ADARB1: variants seen among roughly 807,000 people sequenced by gnomAD.
The protein encoded by ADARB1 is adenosine deaminase RNA specific B1, also known as double-stranded RNA-specific editase 1.
A neutral mutation model predicts 52.4 loss-of-function variants in ADARB1; 10 were observed. That is an observed-to-expected ratio of 0.19 (90% CI 0.12 to 0.32). The LOEUF (loss-of-function observed/expected upper bound fraction) is 0.32, where lower values mean the gene tolerates loss of function less well. ADARB1 is among the 10% of genes least tolerant of loss of function. The pLI, the probability that ADARB1 is intolerant of heterozygous loss-of-function variation, is 1.00. For synonymous variants in ADARB1, 349 were observed against 371.1 expected (o/e 0.94, Z 0.68); for missense variants, 643 against 922.3 (o/e 0.70, Z 3.92).
chr21:45,210,719 A>G (rs1300089187), intron 9 of ADARB1, among the ~76,000 whole-genome samples: 4 of 152,232 alleles, frequency 2.6e-5, no homozygotes, highest in Admixed American at 1.3e-4. Context: ...GGACAAGTAC[A>G]GCTTGAACCC....
chr21:45,091,090 C>T (rs1287731391), intron 1 of ADARB1, among the ~76,000 whole-genome samples: 2 of 152,228 alleles, frequency 1.3e-5, no homozygotes, highest in African/African-American at 4.8e-5. Context: ...TTTTTGAGCA[C>T]TTTGGATACC....
At position 45,172,097 on chromosome 21, in the gene ADARB1, G is replaced by T. The variant is rs758755755; in HGVS notation, c.28+413G>T. Reference sequence around the variant, plus strand: ...GGACAGAAATATTTCCCTTCAAAATGCAGGTTCTCGCTGCATTTTGAAGGA... The same window carrying T: ...GGACAGAAATATTTCCCTTCAAAATTCAGGTTCTCGCTGCATTTTGAAGGA... On this transcript the variant is annotated intron_variant, in intron 3 of 10. Transcript: ENST00000348831. The surrounding 1 kb of genome is among the most constrained non-coding windows in gnomAD (Gnocchi z 4.4). 2.6e-5 allele frequency among the ~76,000 whole-genome samples: 4 copies of T among 152,152 alleles called. No homozygotes were observed. Among genetic ancestry groups the T allele is most frequent in the Non-Finnish European group, 5.9e-5 (4 of 68,012 alleles).
intron 1 of ADARB1, among the ~76,000 whole-genome samples, chr21:45,124,082 A>G (rs2088391881): frequency 1.3e-5 from 2 of 152,212 alleles, no homozygotes; most frequent in Admixed American, 1.3e-4. Context: ...ATCGATTTTC[A>G]TACATTAAAT....
At chr21:45,084,093 T>C (rs2086249897) in intron 1 of ADARB1, among the ~76,000 whole-genome samples, 1 of 152,188 alleles carries the variant, frequency 6.6e-6, no homozygotes, top group African/African-American at 2.4e-5. Context: ...CCAGCCCTGC[T>C]TCTGAACAGG....
intron 1 of ADARB1, among the ~76,000 whole-genome samples, chr21:45,079,871 G>A (rs1368865373): frequency 6.6e-6 from 1 of 152,168 alleles, no homozygotes; most frequent in Non-Finnish European, 1.5e-5. Flanking sequence ...GCTGATCTAT[G>A]AGGCATACAG....
intron 9 of ADARB1, among the ~76,000 whole-genome samples, chr21:45,211,100 C>G (rs2092760326): frequency 6.6e-6 from 1 of 152,224 alleles, no homozygotes; most frequent in Non-Finnish European, 1.5e-5. Flanking sequence ...CACTTCCGAG[C>G]TGGCAGAGAA....
At chr21:45,092,026 TC>T (rs763493887) in intron 1 of ADARB1, among the ~76,000 whole-genome samples, 58 of 152,216 alleles carry the variant, frequency 3.8e-4, no homozygotes, top group South Asian at 1.4e-3. Flanking sequence ...ACCCTAGAGA[TC>T]AACATCCTTC....
chr21:45,139,659 G>A (rs968354164), intron 2 of ADARB1, among the ~76,000 whole-genome samples: 2 of 152,270 alleles, frequency 1.3e-5, no homozygotes, highest in African/African-American at 2.4e-5. Context: ...GTGTGGGGCC[G>A]CGTGCGCCCG....
chr21:45,165,840 A>G lies in ADARB1; in HGVS notation c.-47-5770A>G, dbSNP rs978526090. On this transcript the variant is annotated intron_variant, in intron 2 of 10. Coordinates refer to ENST00000348831, the MANE Select transcript of ADARB1 (RefSeq NM_001112.4). ...TAATACCGTTTCTTTTTTTTTTTTTAGTTTGCAGTTCAAAGCTATTAAATA... is the reference window on the plus strand; with the variant it reads ...TAATACCGTTTCTTTTTTTTTTTTTGGTTTGCAGTTCAAAGCTATTAAATA... 4.1e-5 allele frequency among the ~76,000 whole-genome samples: 6 copies of G among 147,424 alleles called. No individual in the cohort carries two copies. In the East Asian group the frequency reaches 1.2e-3, roughly 29 times the overall value.
At chr21:45,154,845 A>G (rs1057504603) in intron 2 of ADARB1, among the ~76,000 whole-genome samples, 2 of 152,218 alleles carry the variant, frequency 1.3e-5, no homozygotes, top group Non-Finnish European at 2.9e-5. Flanking sequence ...TGGGAGCCAC[A>G]GGGCAGGATT....
chr21:45,224,486 G>A lies in ADARB1; in HGVS notation c.*2289G>A, dbSNP rs534873861. The A allele has an allele frequency of 2.0e-6, 2 of 984,384 alleles. No homozygotes were observed. Among genetic ancestry groups the A allele is most frequent in the Admixed American group, 1.3e-4 (2 of 15,074 alleles). The allele number at this position is 984,384 out of a possible 1,614,324, so 61.0% of individuals were successfully genotyped here. On this transcript the variant is annotated 3_prime_UTR_variant, in exon 11 of 11. Transcript: ENST00000348831. Reference sequence around the variant, plus strand: ...GGCAGCCAAGGCAACTGGGTTCTGGGAGCCCTGGGTGGGGCAGCTGTGGGG... The same window carrying A: ...GGCAGCCAAGGCAACTGGGTTCTGGAAGCCCTGGGTGGGGCAGCTGTGGGG...
chr21:45,202,908 T>A (rs543097552), intron 8 of ADARB1, among the ~76,000 whole-genome samples: 3 of 149,152 alleles, frequency 2.0e-5, no homozygotes, highest in East Asian at 4.0e-4. Flanking sequence ...CATGCCACAC[T>A]GTGCTGAGCG....
Position 45,172,725 on chromosome 21 carries a change from G to GT in ADARB1, c.28+1042dup, listed in dbSNP as rs150277059. 6.9e-3 allele frequency among the ~76,000 whole-genome samples: 1,055 copies of GT among 152,310 alleles called. 18 individuals are homozygous for GT. Among genetic ancestry groups the GT allele is most frequent in the African/African-American group, 0.024 (1,007 of 41,554 alleles). On this transcript the variant is annotated intron_variant, in intron 3 of 10. Coordinates refer to ENST00000348831, the MANE Select transcript of ADARB1 (RefSeq NM_001112.4). This position sits in a 1 kb window ranked among gnomAD's most constrained non-coding sequence, Gnocchi z 4.4. ...TTGGTTGAAGTCAGCCATCTGGGGT[G>GT]TGAGGGTGAGACCACCTCCTGCAGT...
intron 1 of ADARB1, among the ~76,000 whole-genome samples, chr21:45,122,225 T>C (rs1271529245): frequency 6.6e-6 from 1 of 152,276 alleles, no homozygotes; most frequent in African/African-American, 2.4e-5. Context: ...AGAGCCTCAA[T>C]TTCCACAGTC....
At position 45,157,063 on chromosome 21, in the gene ADARB1, C is replaced by T. The variant is rs1366582611; in HGVS notation, c.-47-14547C>T. 6.6e-6 allele frequency among the ~76,000 whole-genome samples: 1 copy of T among 152,194 alleles called. No homozygotes were observed. The highest frequency in any genetic ancestry group is 1.5e-5 in the Non-Finnish European group (1 of 68,032). On this transcript the variant is annotated intron_variant, in intron 2 of 10. Coordinates refer to ENST00000348831, the MANE Select transcript of ADARB1 (RefSeq NM_001112.4). The surrounding 1 kb of genome is among the most constrained non-coding windows in gnomAD (Gnocchi z 4.1). ...TAGAAGGCCCAGATCTCCTAGAACC[C>T]GTTGTAATGGCTATGTGTGTACCTT...
chr21:45,151,954 T>C (rs2090313724), intron 2 of ADARB1, among the ~76,000 whole-genome samples: 1 of 152,188 alleles, frequency 6.6e-6, no homozygotes, highest in African/African-American at 2.4e-5. Context: ...GCCCCTGCTC[T>C]GCAGTAATGA....
At chr21:45,145,252 C>CG (rs992259722) in intron 2 of ADARB1, 30 of 152,476 alleles carry the variant, frequency 2.0e-4, no homozygotes, top group African/African-American at 5.3e-4. Flanking sequence ...GTTTCCTAGA[C>CG]GGGGGGGCAC....
chr21:45,193,129 A>T (rs1185223746), intron 8 of ADARB1, among the ~76,000 whole-genome samples: 1 of 152,230 alleles, frequency 6.6e-6, no homozygotes, highest in Non-Finnish European at 1.5e-5. Context: ...AGATGAAGAC[A>T]CCACAAGAAA....
At chr21:45,209,246 T>A (rs940323644) in intron 9 of ADARB1, among the ~76,000 whole-genome samples, 7 of 152,172 alleles carry the variant, frequency 4.6e-5, no homozygotes, top group African/African-American at 1.7e-4. Context: ...GCTTTTTTTT[T>A]AAAAGCCTTT....
Sources: allele counts gnomAD v4.1 joint callset (sites outside exome capture counted in the v4.1 genomes callset), GRCh38; gene constraint gnomAD v4.1.1; non-coding constraint Gnocchi (gnomAD v3.1); transcripts MANE v1.5; gene names NCBI Gene and HGNC (gene_info 2026-07-23, HGNC 2026-07-21).